ENKUR: variants seen among roughly 807,000 people sequenced by gnomAD.
The protein encoded by ENKUR is enkurin, TRPC channel interacting protein, also known as enkurin.
ENKUR carries 19 observed loss-of-function variants against 27.6 expected under a neutral mutation model. The observed-to-expected ratio is 0.69, with a 90% confidence interval of 0.48 to 1.01. The LOEUF is 1.01. Among genes scored for constraint, ENKUR ranks in the 50% least tolerant of loss-of-function variants. The pLI is 0.00. For synonymous variants in ENKUR, 117 were observed against 96.9 expected, an observed-to-expected ratio of 1.21 and a Z score of -1.22; for missense variants, 312 against 310.5, an observed-to-expected ratio of 1.00 and a Z score of -0.04.
At chr10:25,011,048 T>C (rs1423528654) in intron 1 of ENKUR, among the ~76,000 whole-genome samples, 1 of 148,218 alleles carries the variant, frequency 6.7e-6, no homozygotes, top group Non-Finnish European at 1.5e-5. Context: ...TGAACTAGTT[T>C]ACAGTCCCAC....
chr10:25,036,130 C>G (rs568159648), intron 2 of ENKUR, among the ~76,000 whole-genome samples: 6 of 152,218 alleles, frequency 3.9e-5, no homozygotes, highest in Admixed American at 2.0e-4. Flanking sequence ...GGCTGTGTCC[C>G]CACCCAAATC....
intron 2 of ENKUR, chr10:25,023,062 G>GT: frequency 1.4e-6 from 1 of 694,072 alleles, no homozygotes; most frequent in Non-Finnish European, 2.3e-6. Context: ...TTTTTAAACA[G>GT]TTTATGTACC....
chr10:25,024,716 T>G, intron 2 of ENKUR: 1 of 1,614,202 alleles, frequency 6.2e-7, no homozygotes, highest in Non-Finnish European at 8.5e-7. Context: ...TTTATTTCTT[T>G]TGGAAGCCCA....
intron 2 of ENKUR, among the ~76,000 whole-genome samples, chr10:25,021,209 A>G (rs962912611): frequency 6.6e-6 from 1 of 152,202 alleles, no homozygotes; most frequent in East Asian, 1.9e-4. Context: ...CTTACTGTAA[A>G]TATTTTGTGC....
chr10:24,984,212 G>A lies in ENKUR; in HGVS notation c.*158C>T. 2 of 722,064 alleles carry A rather than the reference G, an allele frequency of 2.8e-6. No individual in the cohort carries two copies. The highest frequency in any genetic ancestry group is 4.3e-6 in the Non-Finnish European group (2 of 460,692). The allele number at this position is 722,064 out of a possible 1,614,324, so 44.7% of individuals were successfully genotyped here. A position where few individuals can be genotyped will look rare whatever the true frequency, so the allele number is the denominator to read the frequency against. On this transcript the variant is annotated 3_prime_UTR_variant, in exon 6 of 6. Transcript: ENST00000331161. ...CGAATACTGAAAATATTTCTCACTG[G>A]GAATAACTGCAAATGTCATGGGCCA...
chr10:25,048,437 G>T (rs1392205907), intron 2 of ENKUR, among the ~76,000 whole-genome samples: 1 of 152,028 alleles, frequency 6.6e-6, no homozygotes, highest in African/African-American at 2.4e-5. Flanking sequence ...GTCTCATTAG[G>T]TGTAGAAAGC....
At chr10:25,032,447 C>A (rs990781313) in intron 2 of ENKUR, among the ~76,000 whole-genome samples, 1 of 152,094 alleles carries the variant, frequency 6.6e-6, no homozygotes, top group Non-Finnish European at 1.5e-5. Context: ...GAAGTCTCTC[C>A]GTAGAATAAG....
intron 2 of ENKUR, among the ~76,000 whole-genome samples, chr10:25,045,827 G>A (rs1851115695): frequency 6.6e-6 from 1 of 152,024 alleles, no homozygotes; most frequent in Non-Finnish European, 1.5e-5. Flanking sequence ...GACACTTAAG[G>A]GCAGAACCAG....
chr10:25,007,603 T>A (rs1267263516), intron 1 of ENKUR, among the ~76,000 whole-genome samples: 1 of 151,972 alleles, frequency 6.6e-6, no homozygotes, highest in Non-Finnish European at 1.5e-5. Context: ...CCCGGGTAAT[T>A]TTTTGTATTT....
intron 1 of ENKUR, among the ~76,000 whole-genome samples, chr10:25,001,507 T>C (rs1254834729): frequency 1.3e-5 from 2 of 152,138 alleles, no homozygotes; most frequent in Non-Finnish European, 2.9e-5. Context: ...CATGATTCTT[T>C]GACTGCTTGA....
chr10:25,016,601 C>G (rs887330467), upstream of ENKUR: 2 of 152,298 alleles, frequency 1.3e-5, no homozygotes, highest in African/African-American at 4.8e-5. Flanking sequence ...CGAGGCCGCT[C>G]GGGGAAGGGC....
intron 4 of ENKUR, among the ~76,000 whole-genome samples, chr10:24,985,117 C>T (rs1849753446): frequency 6.6e-6 from 1 of 152,144 alleles, no homozygotes; most frequent in African/African-American, 2.4e-5. Context: ...GCTCAGTTCC[C>T]ACTGGGAGTA....
rs571895306 is a variant in ENKUR, at chr10:24,991,520, C to T, written c.448-911G>A. Among the ~76,000 whole-genome samples the T allele has an allele frequency of 3.0e-3, 459 of 152,058 alleles. 8 individuals are homozygous for T. The highest frequency in any genetic ancestry group is 0.01 in the African/African-American group (425 of 41,456). ...GGGGCGTGCCAACAAAAGAGCACAC[C>T]AATGGGCACCAGCATGCCGGCAGGC... On this transcript the variant is annotated intron_variant, in intron 3 of 5. Coordinates refer to ENST00000331161, the MANE Select transcript of ENKUR (RefSeq NM_145010.4).
intron 4 of ENKUR, among the ~76,000 whole-genome samples, chr10:24,987,625 C>T (rs1849807367): frequency 6.6e-6 from 1 of 152,106 alleles, no homozygotes; most frequent in African/African-American, 2.4e-5. Flanking sequence ...AATTCTCTTC[C>T]AAGTCCTAGC....
At chr10:25,046,453 A>G (rs1429762533) in intron 2 of ENKUR, among the ~76,000 whole-genome samples, 1 of 152,060 alleles carries the variant, frequency 6.6e-6, no homozygotes, top group Non-Finnish European at 1.5e-5. Flanking sequence ...TCTCTACAAT[A>G]CCCTAGAGAT....
intron 1 of ENKUR, among the ~76,000 whole-genome samples, chr10:25,007,838 G>A (rs977056481): frequency 1.3e-5 from 2 of 151,992 alleles, no homozygotes; most frequent in Admixed American, 1.3e-4. Flanking sequence ...CCTGTATCTG[G>A]TTGTCTCTCC....
chr10:25,023,955 G>T lies in ENKUR; in HGVS notation c.38-28086C>A, dbSNP rs746994002. Reference sequence around the variant, plus strand: ...ACGTTTGGCCTGAAGACTGTGAACAGAAGGTTTCAGCAAAATTCTTTAGTG... The same window carrying T: ...ACGTTTGGCCTGAAGACTGTGAACATAAGGTTTCAGCAAAATTCTTTAGTG... On this transcript the variant is annotated intron_variant, in intron 2 of 5. Transcript: ENST00000615958. 1.9e-6 allele frequency: 3 copies of T among 1,614,212 alleles called. No homozygotes were observed. In the South Asian group the frequency reaches 3.3e-5, roughly 18 times the overall value.
rs529966769 is a variant in ENKUR, at chr10:25,030,439, G to T, written c.37+30673C>A. Among the ~76,000 whole-genome samples the T allele has an allele frequency of 1.2e-3, 187 of 152,074 alleles. 2 individuals are homozygous for T. Among genetic ancestry groups the T allele is most frequent in the Non-Finnish European group, 1.1e-3 (77 of 68,002 alleles). On this transcript the variant is annotated intron_variant, in intron 2 of 5. Coordinates refer to the ENKUR transcript ENST00000615958. Reference sequence around the variant, plus strand: ...AATTTTTTTCCTCAGAAATTTGAAGGTATTGCTCCACCACCAACTTCTAGG... The same window carrying T: ...AATTTTTTTCCTCAGAAATTTGAAGTTATTGCTCCACCACCAACTTCTAGG...
At chr10:25,048,497 T>G (rs1162638563) in intron 2 of ENKUR, among the ~76,000 whole-genome samples, 1 of 151,616 alleles carries the variant, frequency 6.6e-6, no homozygotes, top group Admixed American at 6.6e-5. Flanking sequence ...GGACGGGTAA[T>G]GGGTTAGCGC....
Sources: gnomAD v4.1 joint callset for allele counts (sites outside exome capture counted in the v4.1 genomes callset) on GRCh38, gnomAD v4.1.1 for gene constraint, MANE v1.5 for transcripts, NCBI Gene and HGNC (gene_info 2026-07-23, HGNC 2026-07-21) for gene names.